Variants in CCDC73 observed in about 807,000 individuals in gnomAD.
CCDC73 encodes the protein coiled-coil domain-containing protein 73.
In CCDC73, 95 loss-of-function variants were observed where a neutral mutation model predicts 116.5. The observed-to-expected ratio is 0.82, with a 90% CI of 0.69 to 0.97. The LOEUF (loss-of-function observed/expected upper bound fraction) is 0.97. Among genes scored for constraint, CCDC73 ranks in the 50% least tolerant of loss-of-function variants. The probability of loss-of-function intolerance (pLI) is 0.00; values close to 1 mark genes in which losing one functional copy is unlikely to be tolerated. For missense variants in CCDC73, 1,066 were observed against 1,206.8 expected (o/e 0.88, Z 1.73); for synonymous variants, 398 against 401.3 (o/e 0.99, Z 0.10).
At chr11:32,663,154 T>C (rs1213271706) in intron 9 of CCDC73, among the ~76,000 whole-genome samples, 5 of 152,350 alleles carry the variant, frequency 3.3e-5, no homozygotes, top group African/African-American at 1.2e-4. Context: ...TGGCTTAGGA[T>C]TGTCTTGGCA....
At chr11:32,748,709 CT>C (rs1850261910) in intron 2 of CCDC73, among the ~76,000 whole-genome samples, 1 of 152,178 alleles carries the variant, frequency 6.6e-6, no homozygotes, top group Non-Finnish European at 1.5e-5. Flanking sequence ...GGACTGAAGA[CT>C]TCTCTTTAGC....
Position 32,760,041 on chromosome 11 carries a change from TA to T in CCDC73, c.135+67del, listed in dbSNP as rs1018382002. On this transcript the variant is annotated intron_variant, in intron 2 of 17. Coordinates refer to ENST00000335185, the MANE Select transcript of CCDC73 (RefSeq NM_001008391.4). ...GGGATTTTTTAGGCTTTTTATTCTT[TA>T]AAAAACAATAAACTGAACAAAATCA... 3.9e-5 allele frequency: 53 copies of T among 1,356,276 alleles called. No individual in the cohort carries two copies. In the African/African-American group the frequency reaches 6.7e-4, roughly 17 times the overall value. 84.0% of individuals were successfully genotyped at this position (1,356,276 alleles called of 1,614,324 possible).
intron 6 of CCDC73, among the ~76,000 whole-genome samples, chr11:32,692,490 A>C (rs896947524): frequency 2.6e-5 from 4 of 152,068 alleles, no homozygotes; most frequent in African/African-American, 9.7e-5. Context: ...TGGTTCTATA[A>C]GAGGAATTAA....
chr11:32,635,923 TAGTC>T lies in CCDC73; in HGVS notation c.1051-97_1051-94del, dbSNP rs72396684. On this transcript the variant is annotated intron_variant, in intron 13 of 17. Coordinates refer to ENST00000335185, the MANE Select transcript of CCDC73 (RefSeq NM_001008391.4). ...TTTCATTAACAAAAGTTTCAGGAAA[TAGTC>T]AAAGAATCAAAACAATCACAAAGTC... The T allele has an allele frequency of 7.4e-3, 5,953 of 803,294 alleles. 270 individuals are homozygous for T. In the African/African-American group the frequency reaches 0.094, roughly 13 times the overall value. The allele number at this position is 803,294 out of a possible 1,614,324, so 49.8% of individuals were successfully genotyped here.
At chr11:32,761,037 C>A (rs545850358) in intron 1 of CCDC73, among the ~76,000 whole-genome samples, 4 of 152,152 alleles carry the variant, frequency 2.6e-5, no homozygotes, top group African/African-American at 9.6e-5. Flanking sequence ...CTTCATATAA[C>A]TATGACCTCA....
At chr11:32,825,476 A>G in the CCDC73 span, among the ~76,000 whole-genome samples, 1 of 151,736 alleles carries the variant, frequency 6.6e-6, no homozygotes, top group African/African-American at 2.4e-5. Flanking sequence ...CTAATTTTGT[A>G]TTTTTAGTAG....
chr11:32,717,525 T>A (rs977728828), intron 3 of CCDC73, among the ~76,000 whole-genome samples: 1 of 152,212 alleles, frequency 6.6e-6, no homozygotes, highest in South Asian at 2.1e-4. Flanking sequence ...TATTCTCAGT[T>A]TTCTGGAAGC....
chr11:32,781,473 A>G (rs1166102585), intron 1 of CCDC73, among the ~76,000 whole-genome samples: 1 of 152,176 alleles, frequency 6.6e-6, no homozygotes, highest in Non-Finnish European at 1.5e-5. Context: ...CTGCCAACAG[A>G]GTCTGCTGAT....
intron 1 of CCDC73, among the ~76,000 whole-genome samples, chr11:32,770,347 T>C (rs1431842256): frequency 6.6e-6 from 1 of 152,162 alleles, no homozygotes; most frequent in Admixed American, 6.5e-5. Context: ...AAGCATTTCA[T>C]AAAGCTATCC....
chr11:32,627,327 C>T (rs1345639879), intron 14 of CCDC73, among the ~76,000 whole-genome samples: 3 of 152,182 alleles, frequency 2.0e-5, no homozygotes, highest in Non-Finnish European at 4.4e-5. Context: ...GCAACAGGTG[C>T]TGGAGAGGAT....
rs1298104884 is a variant in CCDC73, at chr11:32,700,827, C to T, written c.280-1G>A. The T allele has an allele frequency of 5.6e-6, 8 of 1,440,044 alleles. No homozygotes were observed. The African/African-American group carries it at 1.0e-4, about 18-fold the overall frequency. The allele number at this position is 1,440,044 out of a possible 1,614,324, so 89.2% of individuals were successfully genotyped here. On this transcript the variant is annotated splice_acceptor_variant, in intron 4 of 17. Coordinates refer to ENST00000335185, the MANE Select transcript of CCDC73 (RefSeq NM_001008391.4). LOFTEE classifies it high-confidence loss of function. ...CCAGGGCACACATCTTCATCTGCAA[C>T]TGATAAACAATTTTAAAAATTAAAA... is the stretch of plus-strand genomic sequence containing the variant.
chr11:32,612,534 T>C (rs942790967), intron 16 of CCDC73, among the ~76,000 whole-genome samples: 1 of 151,704 alleles, frequency 6.6e-6, no homozygotes, highest in African/African-American at 2.4e-5. Context: ...AGCCCAGAAG[T>C]TCAACACCAG....
At chr11:32,748,003 T>C (rs1246743906) in intron 2 of CCDC73, among the ~76,000 whole-genome samples, 2 of 152,178 alleles carry the variant, frequency 1.3e-5, no homozygotes, top group Non-Finnish European at 2.9e-5. Flanking sequence ...CAGTTGGAAA[T>C]GCAGAAATCA....
chr11:32,709,018 C>T (rs1418187496), intron 3 of CCDC73, among the ~76,000 whole-genome samples: 3 of 151,950 alleles, frequency 2.0e-5, no homozygotes, highest in African/African-American at 2.4e-5. Flanking sequence ...AACTTCTCCC[C>T]GTATAATGTT....
At chr11:32,706,212 G>A (rs926797619) in intron 3 of CCDC73, among the ~76,000 whole-genome samples, 42 of 152,286 alleles carry the variant, frequency 2.8e-4, no homozygotes, top group African/African-American at 9.6e-4. Context: ...AGGAAAGAAT[G>A]AGTCCACTGG....
Position 32,683,650 on chromosome 11 carries a change from G to A in CCDC73, c.391-76C>T, listed in dbSNP as rs552529904. 1.3e-4 allele frequency: 116 copies of A among 871,302 alleles called. No homozygotes were observed. The Middle Eastern group carries it at 2.2e-3, about 16-fold the overall frequency. The allele number at this position is 871,302 out of a possible 1,614,324, so 54.0% of individuals were successfully genotyped here. A position where few individuals can be genotyped will look rare whatever the true frequency, so the allele number is the denominator to read the frequency against. On this transcript the variant is annotated intron_variant, in intron 6 of 17. Coordinates refer to ENST00000335185, the MANE Select transcript of CCDC73 (RefSeq NM_001008391.4). ...CAAATTCCTCTGATATCAAAAGTGCGTGCTATAAAATGTGGCATGTATCTT... is the reference window on the plus strand; with the variant it reads ...CAAATTCCTCTGATATCAAAAGTGCATGCTATAAAATGTGGCATGTATCTT...
the CCDC73 span, among the ~76,000 whole-genome samples, chr11:32,804,879 T>C: frequency 6.6e-6 from 1 of 152,214 alleles, no homozygotes; most frequent in South Asian, 2.1e-4. Context: ...CCAAAGTATG[T>C]AGTGAATGTT....
Position 32,602,924 on chromosome 11 carries a change from G to A in CCDC73, c.3127C>T (p.Leu1043Phe), listed in dbSNP as rs1232426941. The A allele has an allele frequency of 6.2e-7, 1 of 1,612,960 alleles. No individual in the cohort carries two copies. Among genetic ancestry groups the A allele is most frequent in the East Asian group, 2.2e-5 (1 of 44,838 alleles). Residue 1043 changes from leucine to phenylalanine, a missense_variant, in exon 18 of 18, where the codon CTC becomes TTC. Transcript: ENST00000335185. Reference sequence around the variant, plus strand: ...CTTTTATTTAGTTGATTCGTAATGAGGCTCTGCCAGTCATCATCACCAGAA... The same window carrying A: ...CTTTTATTTAGTTGATTCGTAATGAAGCTCTGCCAGTCATCATCACCAGAA... ...NTSGDDDWQSLITNQLNKSEN... is the reference protein window; with the variant it reads ...NTSGDDDWQSFITNQLNKSEN...
chr11:32,621,816 GA>G (rs1176577207), intron 14 of CCDC73, among the ~76,000 whole-genome samples: 2 of 150,156 alleles, frequency 1.3e-5, no homozygotes, highest in African/African-American at 4.9e-5. Flanking sequence ...AAATTTACAA[GA>G]AAAAAACAAC....
Sources: allele counts gnomAD v4.1 joint callset (sites outside exome capture counted in the v4.1 genomes callset), GRCh38; gene constraint gnomAD v4.1.1; transcripts MANE v1.5; gene names NCBI Gene and HGNC (gene_info 2026-07-23, HGNC 2026-07-21).